CC2D2B: variants seen among roughly 807,000 people sequenced by gnomAD.
CC2D2B encodes the protein protein CC2D2B.
In CC2D2B, 128 loss-of-function variants were observed where a neutral mutation model predicts 161.2. That is an observed-to-expected ratio of 0.79 (90% CI 0.69 to 0.92). The LOEUF is 0.92. Among genes scored for constraint, CC2D2B ranks in the 40% least tolerant of loss-of-function variants. The probability of loss-of-function intolerance (pLI) is 0.00; values close to 1 mark genes in which losing one functional copy is unlikely to be tolerated. For missense variants in CC2D2B, 1,173 were observed against 1,375.1 expected (o/e 0.85, Z 2.32); for synonymous variants, 391 against 449.8 (o/e 0.87, Z 1.65).
At chr10:95,962,696 G>T (rs2076802531) in intron 12 of CC2D2B, among the ~76,000 whole-genome samples, 1 of 151,436 alleles carries the variant, frequency 6.6e-6, no homozygotes, top group Non-Finnish European at 1.5e-5. Flanking sequence ...AAGTATGAAA[G>T]GTTAGTATAA....
intron 2 of CC2D2B, chr10:95,913,481 C>T (rs2098510274): frequency 2.9e-6 from 1 of 345,930 alleles, no homozygotes; most frequent in Non-Finnish European, 5.6e-6. Flanking sequence ...GAGTATATAC[C>T]CAGCAGTGGA....
At chr10:95,960,484 G>C (rs182824438) in intron 11 of CC2D2B, among the ~76,000 whole-genome samples, 2 of 151,806 alleles carry the variant, frequency 1.3e-5, no homozygotes, top group Admixed American at 1.3e-4. Context: ...GCTGTACTGA[G>C]GAAGTGATAT....
intron 6 of CC2D2B, among the ~76,000 whole-genome samples, chr10:95,930,255 G>C (rs925804633): frequency 6.6e-6 from 1 of 152,194 alleles, no homozygotes; most frequent in Non-Finnish European, 1.5e-5. Context: ...TGTATCCTGA[G>C]ACTTTCCCGA....
chr10:95,983,579 T>A, intron 18 of CC2D2B, 27 bp from the exon 19 acceptor site: 1 of 1,136,850 alleles, frequency 8.8e-7, no homozygotes, highest in Non-Finnish European at 1.1e-6. Flanking sequence ...AAATTAATAT[T>A]TTAACTAAAG....
At chr10:96,027,113 G>GAC in intron 33 of CC2D2B, 99 bp from the exon 34 acceptor site, 2 of 879,796 alleles carry the variant, frequency 2.3e-6, no homozygotes, top group Non-Finnish European at 3.3e-6. Context: ...ACAAGAGCGA[G>GAC]ACTTCGTCTC....
At chr10:95,976,015 T>G (rs866546122) in intron 17 of CC2D2B, among the ~76,000 whole-genome samples, 1 of 152,350 alleles carries the variant, frequency 6.6e-6, no homozygotes, top group Non-Finnish European at 1.5e-5. Context: ...AGGCTAACTT[T>G]TATGCAGGTA....
At chr10:95,926,909 A>T (rs1368193721) in intron 5 of CC2D2B, among the ~76,000 whole-genome samples, 1 of 149,850 alleles carries the variant, frequency 6.7e-6, no homozygotes, top group African/African-American at 2.4e-5. Flanking sequence ...AAAAACAAGG[A>T]GAGAAAAGAA....
rs547273761 is a variant in CC2D2B, at chr10:95,955,003, A to G, written c.1012-391A>G. Among the ~76,000 whole-genome samples the G allele has an allele frequency of 2.0e-5, 3 of 152,244 alleles. No homozygotes were observed. In the South Asian group the frequency reaches 6.2e-4, roughly 32 times the overall value. On this transcript the variant is annotated intron_variant, in intron 10 of 34. Coordinates refer to ENST00000646931, the MANE Select transcript of CC2D2B (RefSeq NM_001349008.3). ...TAAAGATAGTTATCAATATATGTATATAGATATGAATGTGGATAAAGACAG... is the reference window on the plus strand; with the variant it reads ...TAAAGATAGTTATCAATATATGTATGTAGATATGAATGTGGATAAAGACAG...
chr10:95,941,256 G>A (rs182958812), intron 9 of CC2D2B, among the ~76,000 whole-genome samples: 33 of 152,178 alleles, frequency 2.2e-4, no homozygotes, highest in African/African-American at 7.2e-4. Flanking sequence ...AGAACGTGGA[G>A]GAAAGCCTTT....
chr10:96,025,204 T>TAC (rs2079704252), intron 33 of CC2D2B, among the ~76,000 whole-genome samples: 1 of 125,674 alleles, frequency 8.0e-6, no homozygotes, highest in African/African-American at 3.2e-5. Flanking sequence ...TATATATATA[T>TAC]ATATATATAT....
intron 21 of CC2D2B, among the ~76,000 whole-genome samples, chr10:95,991,872 A>G (rs1487053417): frequency 6.6e-6 from 1 of 152,220 alleles, no homozygotes; most frequent in Non-Finnish European, 1.5e-5. Context: ...GTACAAAGGT[A>G]CTGAGATCCA....
At chr10:95,970,353 C>T in intron 15 of CC2D2B, among the ~76,000 whole-genome samples, 1 of 152,082 alleles carries the variant, frequency 6.6e-6, no homozygotes, top group Non-Finnish European at 1.5e-5. Flanking sequence ...TTTCTTACTA[C>T]TCCTCCTTAT....
chr10:95,985,898 C>T (rs183713910), intron 19 of CC2D2B, among the ~76,000 whole-genome samples: 13 of 152,238 alleles, frequency 8.5e-5, no homozygotes, highest in East Asian at 3.9e-4. Context: ...AAATAAGCCC[C>T]GGTCTCCCGT....
At chr10:95,987,559 G>T (rs2077780537) in intron 19 of CC2D2B, among the ~76,000 whole-genome samples, 1 of 151,970 alleles carries the variant, frequency 6.6e-6, no homozygotes, top group African/African-American at 2.4e-5. Context: ...ATTTCCAAGT[G>T]CATTGGGGAT....
chr10:95,913,576 C>T (rs2098510487), intron 2 of CC2D2B: 1 of 170,256 alleles, frequency 5.9e-6, no homozygotes, highest in Admixed American at 6.3e-5. Context: ...AATTTACATT[C>T]CCACCAACAG....
Position 95,915,613 on chromosome 10 carries a change from C to T in CC2D2B, c.36+4254C>T, listed in dbSNP as rs181246993. ...AGTTTTTGAAGGTTTTTTCATGAAG[C>T]GATGTTGAATTTTATCAAATGCTTT... On this transcript the variant is annotated intron_variant, in intron 2 of 34. Coordinates refer to ENST00000646931, the MANE Select transcript of CC2D2B (RefSeq NM_001349008.3). Among the ~76,000 whole-genome samples the T allele has an allele frequency of 1.3e-3, 193 of 152,098 alleles. 1 individual carries two copies. The highest frequency in any genetic ancestry group is 4.1e-3 in the African/African-American group (169 of 41,508).
At chr10:96,024,438 C>A (rs2079603501) in intron 32 of CC2D2B, among the ~76,000 whole-genome samples, 1 of 152,166 alleles carries the variant, frequency 6.6e-6, no homozygotes, top group South Asian at 2.1e-4. Flanking sequence ...ATTTTAAAAT[C>A]TTTACAAAAC....
chr10:95,991,002 A>G (rs1428558271), intron 20 of CC2D2B, among the ~76,000 whole-genome samples: 1 of 152,248 alleles, frequency 6.6e-6, no homozygotes, highest in African/African-American at 2.4e-5. Context: ...ACTCATATCC[A>G]TTACTAGTGG....
chr10:95,985,171 C>A (rs978198679), intron 19 of CC2D2B, among the ~76,000 whole-genome samples: 1 of 152,118 alleles, frequency 6.6e-6, no homozygotes, highest in Admixed American at 6.6e-5. Context: ...TAGGAAGAGT[C>A]AACATTGTAA....
Sources: allele counts gnomAD v4.1 joint callset (sites outside exome capture counted in the v4.1 genomes callset), GRCh38; gene constraint gnomAD v4.1.1; transcripts MANE v1.5; gene names NCBI Gene and HGNC (gene_info 2026-07-23, HGNC 2026-07-21).